The following RSPO4 variants were observed in gnomAD, a reference collection of about 807,000 sequenced individuals.
RSPO4 encodes R-spondin-4.
RSPO4 carries 23 observed loss-of-function variants against 24.8 expected under a neutral mutation model. The ratio of observed to expected loss-of-function variants is 0.93; its 90% CI spans 0.67 to 1.31. The LOEUF (loss-of-function observed/expected upper bound fraction) is 1.31, where lower values mean the gene tolerates loss of function less well. RSPO4 is among the 40% of genes most tolerant of loss of function. The probability of loss-of-function intolerance (pLI) is 0.00; values close to 1 mark genes in which losing one functional copy is unlikely to be tolerated. For missense variants in RSPO4, 333 were observed against 316.5 expected (o/e 1.05, Z -0.39); for synonymous variants, 141 against 127.4 (o/e 1.11, Z -0.72).
In RSPO4 at chr20:981,377, C is replaced by T. The variant is rs1474768374; in HGVS notation, c.80-13239G>A. 6.6e-6 allele frequency among the ~76,000 whole-genome samples: 1 copy of T among 151,980 alleles called. No individual in the cohort carries two copies. Among genetic ancestry groups the T allele is most frequent in the East Asian group, 1.9e-4 (1 of 5,172 alleles). ...CCGTCTCTACTAAAAATACAAAAAT[C>T]AGCTGGGCGTGGTGGTGCACACCTG... On this transcript the variant is annotated intron_variant, in intron 1 of 4. Coordinates refer to ENST00000217260, the MANE Select transcript of RSPO4 (RefSeq NM_001029871.4). The surrounding 1 kb of genome is among the most constrained non-coding windows in gnomAD (Gnocchi z 4.6).
chr20:996,102 G>GTGGA (rs1985275593), intron 1 of RSPO4, among the ~76,000 whole-genome samples: 1 of 152,218 alleles, frequency 6.6e-6, no homozygotes, highest in Non-Finnish European at 1.5e-5. Flanking sequence ...GCTAAGAAGA[G>GTGGA]TGGAGTACAT....
In RSPO4 at chr20:963,389, C is replaced by A. The variant is rs528515208; in HGVS notation, c.595+546G>T. ...TCAATCAGAGATCAATTGGGTTGGA[C>A]CTTACTAATCATTGGTCACTGTTGG... On this transcript the variant is annotated intron_variant, in intron 4 of 4. Transcript: ENST00000217260. Among the ~76,000 whole-genome samples the A allele has an allele frequency of 3.8e-4, 58 of 152,218 alleles. 1 individual carries two copies. The highest frequency in any genetic ancestry group is 2.7e-3 in the Admixed American group (41 of 15,296).
At chr20:968,288 C>T (rs904853466) in intron 1 of RSPO4, 150 bp from the exon 2 acceptor site, 4 of 695,474 alleles carry the variant, frequency 5.8e-6, no homozygotes, top group Middle Eastern at 7.8e-4. Context: ...TCCCTTACAA[C>T]TAGATATGGT....
chr20:964,085 G>A lies in RSPO4; in HGVS notation c.445C>T (p.Pro149Ser). 1 of 1,613,490 alleles carries A rather than the reference G, an allele frequency of 6.2e-7. No homozygotes were observed. Among genetic ancestry groups the A allele is most frequent in the Non-Finnish European group, 8.5e-7 (1 of 1,179,818 alleles). Residue 149 changes from proline to serine, a missense_variant, in exon 4 of 5, where the codon CCC becomes TCC. Physicochemically the swap from Pro to Ser is moderately conservative, Grantham distance 74 (BLOSUM62 -1). Coordinates refer to ENST00000217260, the MANE Select transcript of RSPO4 (RefSeq NM_001029871.4). ...CAGGTCTTTCCATTGTGTGTGCAGG[G>A]GCTCCAGCCGCCCCAGGGACCCAGT... ...CELGPWGGWS[P>S]CTHNGKTCGS...
At chr20:984,654 G>A (rs76586952) in intron 1 of RSPO4, among the ~76,000 whole-genome samples, 35 of 152,238 alleles carry the variant, frequency 2.3e-4, no homozygotes, top group African/African-American at 8.2e-4. Context: ...CCCTATTCTG[G>A]GTCTGGTCTC....
At chr20:982,028 G>C (rs1398921835) in intron 1 of RSPO4, among the ~76,000 whole-genome samples, 1 of 152,198 alleles carries the variant, frequency 6.6e-6, no homozygotes, top group Non-Finnish European at 1.5e-5. Flanking sequence ...TGGGGGTGCT[G>C]AGCAGCCCAG....
intron 1 of RSPO4, among the ~76,000 whole-genome samples, chr20:990,100 C>G (rs1325381284): frequency 6.6e-6 from 1 of 152,162 alleles, no homozygotes; most frequent in Non-Finnish European, 1.5e-5. Flanking sequence ...AGGAGGAATG[C>G]AAAACTGAGC....
Position 967,972 on chromosome 20 carries a change from G to C in RSPO4, c.246C>G (p.Gly82=). ...DCPPGYFGIR[G]QEVNRCKKCG... ...TACTTTTGCACCTGTTGACCTCCTGGCCGCGGATGCCGAAGTACCCAGGGG... is the reference window on the plus strand; with the variant it reads ...TACTTTTGCACCTGTTGACCTCCTGCCCGCGGATGCCGAAGTACCCAGGGG... The change falls in exon 2 of 5, where the codon GGC becomes GGG. Residue 82 remains glycine, a synonymous_variant. Coordinates refer to ENST00000217260, the MANE Select transcript of RSPO4 (RefSeq NM_001029871.4). 1 of 1,614,240 alleles carries C rather than the reference G, an allele frequency of 6.2e-7. No homozygotes were observed. Among genetic ancestry groups the C allele is most frequent in the Admixed American group, 1.7e-5 (1 of 60,030 alleles).
chr20:991,333 C>T (rs1226112899), intron 1 of RSPO4, among the ~76,000 whole-genome samples: 1 of 152,064 alleles, frequency 6.6e-6, no homozygotes, highest in African/African-American at 2.4e-5. Context: ...CCTCTCCCCA[C>T]TCAAAAACCA....
intron 1 of RSPO4, among the ~76,000 whole-genome samples, chr20:1,001,006 T>C (rs143896096): frequency 1.3e-5 from 2 of 152,318 alleles, no homozygotes; most frequent in Non-Finnish European, 2.9e-5. Flanking sequence ...CTCATTTTCC[T>C]TCCCCTTTAT....
rs1399464926 is a variant in RSPO4, at chr20:970,839, T to TTTTG, written c.80-2705_80-2702dup. ...CTTTTCTTTTTGTGTTAAAAAGTTT[T>TTTTG]TTTGTTTGTTTTGTTTTGTTAAGAC... On this transcript the variant is annotated intron_variant, in intron 1 of 4. Coordinates refer to ENST00000217260, the MANE Select transcript of RSPO4 (RefSeq NM_001029871.4). This position sits in a 1 kb window ranked among gnomAD's most constrained non-coding sequence, Gnocchi z 4.1. Among the ~76,000 whole-genome samples the TTTTG allele has an allele frequency of 2.0e-5, 3 of 152,158 alleles. No individual in the cohort carries two copies. Among genetic ancestry groups the TTTTG allele is most frequent in the African/African-American group, 7.2e-5 (3 of 41,430 alleles).
chr20:989,584 CA>C (rs1304462122), intron 1 of RSPO4, among the ~76,000 whole-genome samples: 2 of 152,228 alleles, frequency 1.3e-5, no homozygotes, highest in African/African-American at 4.8e-5. Context: ...GTGGGGGTGG[CA>C]GGAACACAGG....
At position 981,666 on chromosome 20, in the gene RSPO4, A is replaced by C. The variant is rs1029494875; in HGVS notation, c.80-13528T>G. Among the ~76,000 whole-genome samples, 6 of 152,328 alleles carry C rather than the reference A, an allele frequency of 3.9e-5. No homozygotes were observed. Among genetic ancestry groups the C allele is most frequent in the African/African-American group, 1.4e-4 (6 of 41,566 alleles). Reference sequence around the variant, plus strand: ...CCCTGCCAGGCCCAGCATGGCAGAAAAAGGAAGGGCTGGGTTCATGTGTGC... The same window carrying C: ...CCCTGCCAGGCCCAGCATGGCAGAACAAGGAAGGGCTGGGTTCATGTGTGC... On this transcript the variant is annotated intron_variant, in intron 1 of 4. Coordinates refer to ENST00000217260, the MANE Select transcript of RSPO4 (RefSeq NM_001029871.4). This position sits in a 1 kb window ranked among gnomAD's most constrained non-coding sequence, Gnocchi z 4.6.
chr20:1,001,167 A>T (rs1232025290), intron 1 of RSPO4, among the ~76,000 whole-genome samples: 2 of 152,184 alleles, frequency 1.3e-5, no homozygotes, highest in Non-Finnish European at 2.9e-5. Context: ...GGATTTGATG[A>T]GCTAGGACAT....
chr20:983,758 G>A (rs1368424943), intron 1 of RSPO4, among the ~76,000 whole-genome samples: 3 of 152,194 alleles, frequency 2.0e-5, no homozygotes, highest in Non-Finnish European at 2.9e-5. Context: ...GGGGTGCACA[G>A]CAATGTGGGA....
chr20:966,156 G>A (rs73602201), intron 3 of RSPO4, among the ~76,000 whole-genome samples: 10,866 of 152,148 alleles, frequency 0.071, 448 homozygotes, highest in East Asian at 0.15. Context: ...ACGGAGTCAG[G>A]GGCCATCAGC....
At chr20:979,427 T>C (rs758410856) in intron 1 of RSPO4, among the ~76,000 whole-genome samples, 10 of 152,224 alleles carry the variant, frequency 6.6e-5, no homozygotes, top group Non-Finnish European at 1.5e-5. Context: ...AGTCCAGTAA[T>C]GCCTCCAAGA....
chr20:998,796 G>A (rs1278177534), intron 1 of RSPO4, among the ~76,000 whole-genome samples: 2 of 152,192 alleles, frequency 1.3e-5, no homozygotes, highest in Admixed American at 1.3e-4. Flanking sequence ...CCTGTGAAAT[G>A]AACAAGTGAA....
At chr20:965,995 C>T (rs989525728) in intron 3 of RSPO4, among the ~76,000 whole-genome samples, 2 of 152,126 alleles carry the variant, frequency 1.3e-5, no homozygotes, top group African/African-American at 2.4e-5. Context: ...CTGCATCTCG[C>T]GCATGCCACC....
Sources: allele counts gnomAD v4.1 joint callset (sites outside exome capture counted in the v4.1 genomes callset), GRCh38; gene constraint gnomAD v4.1.1; non-coding constraint Gnocchi (gnomAD v3.1); transcripts MANE v1.5; gene names NCBI Gene and HGNC (gene_info 2026-07-23, HGNC 2026-07-21).